Variants in STX8 observed in about 807,000 individuals in gnomAD.
The protein encoded by STX8 is syntaxin 8, also known as syntaxin-8.
A neutral mutation model predicts 37.5 loss-of-function variants in STX8; 23 were observed. The ratio of observed to expected loss-of-function variants is 0.61; its 90% confidence interval spans 0.44 to 0.87. The LOEUF is 0.87. Ranked by LOEUF, STX8 falls within the 40% of genes least tolerant of loss-of-function variation. The probability of loss-of-function intolerance (pLI) is 0.00; values close to 1 mark genes in which losing one functional copy is unlikely to be tolerated. For synonymous variants in STX8, 115 were observed against 99.1 expected (o/e 1.16, Z -0.95); for missense variants, 313 against 284.7 (o/e 1.10, Z -0.71).
chr17:9,566,771 G>A (rs1907476695), intron 2 of STX8, among the ~76,000 whole-genome samples: 1 of 151,436 alleles, frequency 6.6e-6, no homozygotes, highest in African/African-American at 2.4e-5. Flanking sequence ...TGGGCAACAA[G>A]AGCAAAACTC....
At chr17:9,517,901 C>T (rs2142518616) in intron 4 of STX8, among the ~76,000 whole-genome samples, 1 of 149,462 alleles carries the variant, frequency 6.7e-6, no homozygotes, top group East Asian at 2.0e-4. Flanking sequence ...AAGGCAAAAA[C>T]ACGAATGAGT....
intron 7 of STX8, among the ~76,000 whole-genome samples, chr17:9,350,718 A>G (rs1910679068): frequency 6.6e-6 from 1 of 151,882 alleles, no homozygotes; most frequent in African/African-American, 2.4e-5. Flanking sequence ...TTTTTAGTAG[A>G]GACAGGGCTT....
intron 6 of STX8, among the ~76,000 whole-genome samples, chr17:9,448,916 T>A (rs1450850325): frequency 6.6e-6 from 1 of 152,176 alleles, no homozygotes; most frequent in African/African-American, 2.4e-5. Context: ...GGGTCAGTTC[T>A]CTACATTATT....
chr17:9,506,407 T>TCCCCCCCCCCCCCCCCCCCCCCCCCCCCC (rs57490676), intron 4 of STX8, among the ~76,000 whole-genome samples: 1 of 39,332 alleles, frequency 2.5e-5, no homozygotes, highest in Non-Finnish European at 4.9e-5. Flanking sequence ...GCTCACCCGC[T>TCCCCCCCCCCCCCCCCCCCCCCCCCCCCC]CCCCCCCCCC....
chr17:9,295,810 CAA>C (rs1407238528), intron 7 of STX8, among the ~76,000 whole-genome samples: 1 of 122,610 alleles, frequency 8.2e-6, no homozygotes, highest in Non-Finnish European at 2.0e-5. Context: ...TTTGGGAGGC[CAA>C]GACAGGTGGA....
intron 6 of STX8, among the ~76,000 whole-genome samples, chr17:9,423,896 C>G (rs957984622): frequency 1.3e-5 from 2 of 152,168 alleles, no homozygotes; most frequent in African/African-American, 4.8e-5. Context: ...TACTGAGAAG[C>G]ATACCACATC....
At chr17:9,485,132 A>AATT (rs138008090) in intron 6 of STX8, among the ~76,000 whole-genome samples, 1 of 18,906 alleles carries the variant, frequency 5.3e-5, no homozygotes, top group African/African-American at 6.2e-5. Flanking sequence ...CTTAGAAAAA[A>AATT]AATTATAATA....
At position 9,274,751 on chromosome 17, in the gene STX8, CT is replaced by C. The variant is rs377159395; in HGVS notation, c.644-24107del. The stretch of plus-strand genomic sequence containing the variant: ...TCAAAAATACAACAATTTCTTTTTT[CT>C]TTTTTTTTTTTTTTTTTGAGACGGA... On this transcript the variant is annotated intron_variant, in intron 7 of 7. Transcript: ENST00000306357. Among the ~76,000 whole-genome samples, 251 of 78,628 alleles carry C rather than the reference CT, an allele frequency of 3.2e-3. 6 individuals carry two copies. The highest frequency in any genetic ancestry group is 0.011 in the Middle Eastern group (1 of 88). The allele number at this position is 78,628 out of a possible 152,430, so 51.6% of individuals were successfully genotyped here. A position where few individuals can be genotyped will look rare whatever the true frequency, so the allele number is the denominator to read the frequency against.
At chr17:9,505,406 T>C (rs1904786396) in intron 4 of STX8, among the ~76,000 whole-genome samples, 1 of 152,178 alleles carries the variant, frequency 6.6e-6, no homozygotes, top group East Asian at 1.9e-4. Context: ...GAACATAATA[T>C]TTGTACTAAT....
chr17:9,327,177 G>T (rs1259814776), intron 7 of STX8, among the ~76,000 whole-genome samples: 1 of 147,864 alleles, frequency 6.8e-6, no homozygotes, highest in East Asian at 2.0e-4. Context: ...AAAAGAAGAA[G>T]AAGAAGGAAG....
chr17:9,434,784 A>G (rs1220045853), intron 6 of STX8, among the ~76,000 whole-genome samples: 3 of 152,212 alleles, frequency 2.0e-5, no homozygotes, highest in African/African-American at 7.2e-5. Flanking sequence ...GCTGTTGGCT[A>G]GCTGTATTTA....
chr17:9,358,236 G>C (rs1172791634), intron 7 of STX8, among the ~76,000 whole-genome samples: 2 of 152,196 alleles, frequency 1.3e-5, no homozygotes, highest in Admixed American at 1.3e-4. Context: ...GTGCACACCT[G>C]TAGTTTCAGC....
At chr17:9,542,679 A>T (rs892339787) in intron 4 of STX8, among the ~76,000 whole-genome samples, 3 of 151,172 alleles carry the variant, frequency 2.0e-5, no homozygotes, top group Admixed American at 6.6e-5. Flanking sequence ...TCCATCTCAA[A>T]AAATAAATAA....
At chr17:9,327,924 CTTCT>C (rs879689672) in intron 7 of STX8, among the ~76,000 whole-genome samples, 2 of 148,468 alleles carry the variant, frequency 1.3e-5, no homozygotes, top group Non-Finnish European at 3.0e-5. Context: ...TCCTTTCTTC[CTTCT>C]GTCCTTCCTT....
intron 4 of STX8, among the ~76,000 whole-genome samples, chr17:9,515,692 AT>A (rs1207232635): frequency 6.6e-6 from 1 of 151,982 alleles, no homozygotes; most frequent in Non-Finnish European, 1.5e-5. Context: ...CTGGCTAATT[AT>A]TTTTATTATT....
chr17:9,362,840 A>AAAAAAAAT (rs1555601151), intron 7 of STX8, among the ~76,000 whole-genome samples: 2 of 115,444 alleles, frequency 1.7e-5, no homozygotes, highest in African/African-American at 3.0e-5. Context: ...AAAAAAAAAA[A>AAAAAAAAT]AAATAAATAA....
At position 9,485,590 on chromosome 17, in the gene STX8, G is replaced by GT. The variant is rs1567581397; in HGVS notation, c.541+6238_541+6239insA. On this transcript the variant is annotated intron_variant, in intron 6 of 7. Coordinates refer to ENST00000306357, the MANE Select transcript of STX8 (RefSeq NM_004853.3). ...CTTTGTTTTTGTTTTTTTGTTTTTT[G>GT]GTTTTTTTTTTTTGAGACAGAGTCT... is the stretch of plus-strand genomic sequence containing the variant. Among the ~76,000 whole-genome samples, 15 of 120,660 alleles carry GT rather than the reference G, an allele frequency of 1.2e-4. 2 individuals carry two copies. In the East Asian group the frequency reaches 4.9e-3, roughly 39 times the overall value. 79.2% of individuals were successfully genotyped at this position (120,660 alleles called of 152,430 possible). A position where few individuals can be genotyped will look rare whatever the true frequency, so the allele number is the denominator to read the frequency against.
At chr17:9,506,323 A>G (rs1904822103) in intron 4 of STX8, among the ~76,000 whole-genome samples, 1 of 151,386 alleles carries the variant, frequency 6.6e-6, no homozygotes, top group African/African-American at 2.4e-5. Flanking sequence ...TAGAGCTCTC[A>G]ACAGATTCAT....
At chr17:9,335,817 A>T (rs1446192874) in intron 7 of STX8, among the ~76,000 whole-genome samples, 5 of 92,408 alleles carry the variant, frequency 5.4e-5, no homozygotes, top group African/African-American at 1.7e-4. Context: ...TCTCTCTCAC[A>T]CACACACACA....
Sources: allele counts gnomAD v4.1 joint callset (sites outside exome capture counted in the v4.1 genomes callset), GRCh38; gene constraint gnomAD v4.1.1; transcripts MANE v1.5; gene names NCBI Gene and HGNC (gene_info 2026-07-23, HGNC 2026-07-21).